FAM171A1: variants seen among roughly 807,000 people sequenced by gnomAD.
FAM171A1 encodes family with sequence similarity 171 member A1.
A neutral mutation model predicts 74.9 loss-of-function variants in FAM171A1; 23 were observed. The ratio of observed to expected loss-of-function variants is 0.31; its 90% CI spans 0.22 to 0.44. The LOEUF (loss-of-function observed/expected upper bound fraction) is 0.44, where lower values mean the gene tolerates loss of function less well. Among genes scored for constraint, FAM171A1 ranks in the 20% least tolerant of loss-of-function variants. The probability of loss-of-function intolerance (pLI) is 1.00; values close to 1 mark genes in which losing one functional copy is unlikely to be tolerated. For missense variants in FAM171A1, 1,162 were observed against 1,159.2 expected, an observed-to-expected ratio of 1.00 and a Z score of -0.03; for synonymous variants, 527 against 505.7, an observed-to-expected ratio of 1.04 and a Z score of -0.57.
chr10:15,318,343 C>T (rs574502565), intron 1 of FAM171A1, among the ~76,000 whole-genome samples: 16 of 152,150 alleles, frequency 1.1e-4, no homozygotes, highest in Non-Finnish European at 2.1e-4. Flanking sequence ...TGGTCCTTCC[C>T]GGAAGGGAAA....
At chr10:15,280,973 C>G (rs534645375) in intron 2 of FAM171A1, among the ~76,000 whole-genome samples, 1 of 152,314 alleles carries the variant, frequency 6.6e-6, no homozygotes, top group African/African-American at 2.4e-5. Context: ...TTGTAACCCC[C>G]AGTGTTGGAG....
intron 1 of FAM171A1, among the ~76,000 whole-genome samples, chr10:15,341,403 G>A (rs564393351): frequency 6.6e-6 from 1 of 152,298 alleles, no homozygotes; most frequent in East Asian, 1.9e-4. Flanking sequence ...AATGAGCAAA[G>A]TATAAAATAG....
intron 1 of FAM171A1, among the ~76,000 whole-genome samples, chr10:15,314,819 C>A (rs1192768384): frequency 6.6e-6 from 1 of 152,100 alleles, no homozygotes; most frequent in Admixed American, 6.5e-5. Context: ...CCTGTCACTT[C>A]TCACGAGCCC....
intron 5 of FAM171A1, among the ~76,000 whole-genome samples, chr10:15,229,449 C>G (rs547114842): frequency 6.7e-6 from 1 of 148,998 alleles, no homozygotes; most frequent in African/African-American, 2.5e-5. Flanking sequence ...CCATCGTCAC[C>G]ACCATCATTG....
chr10:15,372,690 C>A (rs369644083), upstream of FAM171A1, among the ~76,000 whole-genome samples: 167 of 129,558 alleles, frequency 1.3e-3, no homozygotes, highest in Middle Eastern at 7.1e-3. Context: ...CAGACTGAGA[C>A]CCCGTCTCAA....
At chr10:15,348,792 G>A (rs560040530) in intron 1 of FAM171A1, among the ~76,000 whole-genome samples, 3 of 152,366 alleles carry the variant, frequency 2.0e-5, no homozygotes, top group Admixed American at 6.5e-5. Flanking sequence ...AAAGCTGGCT[G>A]AGTGAATTGC....
intron 1 of FAM171A1, among the ~76,000 whole-genome samples, chr10:15,327,512 G>A (rs748787252): frequency 4.5e-4 from 68 of 152,074 alleles, no homozygotes; most frequent in Non-Finnish European, 8.7e-4. Context: ...TTAGCTGGGC[G>A]TGCTAGCACG....
At chr10:15,355,673 C>T (rs1220193330) in intron 1 of FAM171A1, among the ~76,000 whole-genome samples, 1 of 151,980 alleles carries the variant, frequency 6.6e-6, no homozygotes, top group Non-Finnish European at 1.5e-5. Context: ...CAAGATTGTG[C>T]CACTGCACTT....
At chr10:15,347,459 T>G in intron 1 of FAM171A1, among the ~76,000 whole-genome samples, 1 of 152,200 alleles carries the variant, frequency 6.6e-6, no homozygotes, top group Non-Finnish European at 1.5e-5. Flanking sequence ...TAAGACCTAC[T>G]GAGAGTTTCT....
intron 1 of FAM171A1, among the ~76,000 whole-genome samples, chr10:15,334,228 A>G (rs61083976): frequency 0.16 from 23,768 of 152,098 alleles, 4,293 homozygotes; most frequent in African/African-American, 0.44. Context: ...TTCAAATGAG[A>G]AATAGAAAAA....
At chr10:15,349,260 G>A (rs1356145048) in intron 1 of FAM171A1, among the ~76,000 whole-genome samples, 1 of 152,156 alleles carries the variant, frequency 6.6e-6, no homozygotes, top group Non-Finnish European at 1.5e-5. Context: ...TCTACAACAA[G>A]GCTAAGTGCA....
chr10:15,320,527 C>A (rs1159749534), intron 1 of FAM171A1, among the ~76,000 whole-genome samples: 1 of 152,190 alleles, frequency 6.6e-6, no homozygotes, highest in Non-Finnish European at 1.5e-5. Context: ...GTTTTAAGTT[C>A]TTTGAGAAAT....
At chr10:15,345,175 C>G (rs774332427) in intron 1 of FAM171A1, among the ~76,000 whole-genome samples, 1 of 152,112 alleles carries the variant, frequency 6.6e-6, no homozygotes, top group Non-Finnish European at 1.5e-5. Flanking sequence ...GAGAAGAGAA[C>G]GAAGGAAATT....
chr10:15,349,490 G>A (rs996462624), intron 1 of FAM171A1, among the ~76,000 whole-genome samples: 5 of 152,110 alleles, frequency 3.3e-5, no homozygotes, highest in Non-Finnish European at 5.9e-5. Context: ...GAATATTAAA[G>A]GAACCTCCAA....
chr10:15,364,420 A>G (rs1836034022), intron 1 of FAM171A1, among the ~76,000 whole-genome samples: 2 of 152,300 alleles, frequency 1.3e-5, no homozygotes, highest in South Asian at 4.1e-4. Flanking sequence ...GTTTGGTGGA[A>G]TTCTGGTAAA....
intron 4 of FAM171A1, among the ~76,000 whole-genome samples, chr10:15,251,165 A>G (rs1431646652): frequency 6.6e-6 from 1 of 152,206 alleles, no homozygotes; most frequent in Non-Finnish European, 1.5e-5. Flanking sequence ...TCAGCTTGAA[A>G]CATTCAGAAG....
At chr10:15,223,382 T>G (rs1834064216) in intron 5 of FAM171A1, among the ~76,000 whole-genome samples, 1 of 152,188 alleles carries the variant, frequency 6.6e-6, no homozygotes, top group Non-Finnish European at 1.5e-5. Flanking sequence ...GAAAGGGCTG[T>G]GCATTCTTTG....
At chr10:15,274,777 A>T (rs1260257779) in intron 3 of FAM171A1, among the ~76,000 whole-genome samples, 1 of 152,208 alleles carries the variant, frequency 6.6e-6, no homozygotes, top group Admixed American at 6.5e-5. Context: ...CAAAAACAAG[A>T]AATGGGGAAA....
chr10:15,264,632 A>T (rs573911495), intron 3 of FAM171A1, among the ~76,000 whole-genome samples: 1 of 151,978 alleles, frequency 6.6e-6, no homozygotes, highest in African/African-American at 2.4e-5. Context: ...AAAAAAAAAA[A>T]AATTAGCCAG....
Sources: gnomAD v4.1 joint callset for allele counts (sites outside exome capture counted in the v4.1 genomes callset) on GRCh38, gnomAD v4.1.1 for gene constraint, MANE v1.5 for transcripts, NCBI Gene and HGNC (gene_info 2026-07-23, HGNC 2026-07-21) for gene names.